The following ERBB4 variants were observed in gnomAD, a reference collection of about 807,000 sequenced individuals.
ERBB4 encodes the protein erb-b2 receptor tyrosine kinase 4.
In ERBB4, 42 loss-of-function variants were observed where a neutral mutation model predicts 158.0. The observed-to-expected ratio is 0.27, with a 90% confidence interval of 0.21 to 0.34. ERBB4 has a LOEUF of 0.34. Among genes scored for constraint, ERBB4 ranks in the 10% least tolerant of loss-of-function variants. ERBB4 has a pLI of 1.00. For missense variants in ERBB4, 1,333 were observed against 1,624.1 expected (o/e 0.82, Z 3.08); for synonymous variants, 583 against 558.7 (o/e 1.04, Z -0.61).
chr2:212,343,275 C>T (rs1032475471), intron 1 of ERBB4, among the ~76,000 whole-genome samples: 1 of 152,106 alleles, frequency 6.6e-6, no homozygotes, highest in Non-Finnish European at 1.5e-5. Flanking sequence ...CCACACACAC[C>T]TCCATATCAT....
chr2:211,575,239 TAA>T (rs2067854986), intron 19 of ERBB4, among the ~76,000 whole-genome samples: 1 of 152,200 alleles, frequency 6.6e-6, no homozygotes, highest in South Asian at 2.1e-4. Context: ...ATGATCAATA[TAA>T]GATTAACTAG....
At chr2:212,003,380 C>T (rs977249799) in intron 2 of ERBB4, among the ~76,000 whole-genome samples, 7 of 147,260 alleles carry the variant, frequency 4.8e-5, no homozygotes, top group Non-Finnish European at 8.9e-5. Context: ...TGAGCTAAAG[C>T]GTTTTTTCGT....
At chr2:212,446,408 C>T (rs145517987) in intron 1 of ERBB4, among the ~76,000 whole-genome samples, 1,671 of 150,350 alleles carry the variant, frequency 0.011, 12 homozygotes, top group Middle Eastern at 0.027. Context: ...GAGAGACTGG[C>T]CTAGACTCTC....
intron 1 of ERBB4, among the ~76,000 whole-genome samples, chr2:212,362,628 T>C (rs1286818886): frequency 6.6e-6 from 1 of 151,052 alleles, no homozygotes; most frequent in Non-Finnish European, 1.5e-5. Context: ...AAATGGTTTA[T>C]AAATTGCCAT....
At chr2:211,861,796 ATG>A (rs2078062796) in intron 3 of ERBB4, among the ~76,000 whole-genome samples, 1 of 152,190 alleles carries the variant, frequency 6.6e-6, no homozygotes, top group Admixed American at 6.5e-5. Context: ...GATGAAATGA[ATG>A]TGTGTGATCA....
intron 2 of ERBB4, among the ~76,000 whole-genome samples, chr2:211,953,066 A>T: frequency 6.6e-6 from 1 of 152,100 alleles, no homozygotes; most frequent in African/African-American, 2.4e-5. Flanking sequence ...AACATTTAAT[A>T]ATGGCTGTGG....
chr2:211,780,687 C>T (rs867636131), intron 4 of ERBB4, among the ~76,000 whole-genome samples: 1 of 152,190 alleles, frequency 6.6e-6, no homozygotes, highest in Non-Finnish European at 1.5e-5. Context: ...TTTTTAAACA[C>T]ATTTTAGATT....
At chr2:212,035,159 T>A (rs2076985266) in intron 2 of ERBB4, among the ~76,000 whole-genome samples, 1 of 152,176 alleles carries the variant, frequency 6.6e-6, no homozygotes, top group Admixed American at 6.5e-5. Flanking sequence ...TTCAAGCCTG[T>A]GTTAATCTTT....
chr2:211,662,328 C>T (rs2071461022), intron 15 of ERBB4, among the ~76,000 whole-genome samples: 1 of 151,956 alleles, frequency 6.6e-6, no homozygotes, highest in African/African-American at 2.4e-5. Flanking sequence ...GTTAAGTTTA[C>T]AAATCTTTAA....
chr2:211,612,561 C>T (rs2069239373), intron 19 of ERBB4, among the ~76,000 whole-genome samples: 1 of 151,888 alleles, frequency 6.6e-6, no homozygotes, highest in African/African-American at 2.4e-5. Flanking sequence ...AAGATGAAAA[C>T]TCCAGGTGAA....
intron 1 of ERBB4, among the ~76,000 whole-genome samples, chr2:212,370,954 C>T (rs911392831): frequency 6.6e-6 from 1 of 152,068 alleles, no homozygotes; most frequent in African/African-American, 2.4e-5. Context: ...TCCCACATAA[C>T]CATTATTTTC....
intron 2 of ERBB4, among the ~76,000 whole-genome samples, chr2:212,052,780 G>T (rs79837222): frequency 0.056 from 8,512 of 152,016 alleles, 268 homozygotes; most frequent in South Asian, 0.1. Context: ...TACTACTCCC[G>T]TACCCCTCCC....
intron 4 of ERBB4, among the ~76,000 whole-genome samples, chr2:211,776,860 C>T (rs189691634): frequency 3.4e-4 from 52 of 152,212 alleles, no homozygotes; most frequent in Admixed American, 3.0e-3. Flanking sequence ...GGTTTAGTTA[C>T]TCTATTTATT....
In ERBB4 at chr2:212,192,822, C is replaced by T. The variant is rs548265004; in HGVS notation, c.83-67919G>A. ...AATAGTGTGATATCTGAAAAGTTTG[C>T]CCAGTTACACTGAGGACCGATCAAT... is the stretch of plus-strand genomic sequence containing the variant. On this transcript the variant is annotated intron_variant, in intron 1 of 27. Transcript: ENST00000342788. Among the ~76,000 whole-genome samples, 13 of 128,936 alleles carry T rather than the reference C, an allele frequency of 1.0e-4. No individual in the cohort carries two copies. In the East Asian group the frequency reaches 2.5e-3, roughly 25 times the overall value. The allele number at this position is 128,936 out of a possible 152,430, so 84.6% of individuals were successfully genotyped here. A position where few individuals can be genotyped will look rare whatever the true frequency, so the allele number is the denominator to read the frequency against.
intron 20 of ERBB4, among the ~76,000 whole-genome samples, chr2:211,545,310 CA>C (rs1480910204): frequency 6.6e-6 from 1 of 151,886 alleles, no homozygotes; most frequent in Non-Finnish European, 1.5e-5. Flanking sequence ...AAGTGTCACC[CA>C]GATTATGAAT....
intron 1 of ERBB4, among the ~76,000 whole-genome samples, chr2:212,334,674 G>A (rs1332412726): frequency 6.6e-6 from 1 of 151,874 alleles, no homozygotes; most frequent in Non-Finnish European, 1.5e-5. Flanking sequence ...TCAGTGTACT[G>A]CATATGGCAG....
intron 2 of ERBB4, among the ~76,000 whole-genome samples, chr2:211,964,500 G>A (rs1334712735): frequency 6.6e-6 from 1 of 152,082 alleles, no homozygotes; most frequent in Non-Finnish European, 1.5e-5. Context: ...TAAAAATAAT[G>A]ACATAGGTGA....
intron 18 of ERBB4, among the ~76,000 whole-genome samples, chr2:211,621,073 C>A (rs1050162140): frequency 6.6e-6 from 1 of 152,110 alleles, no homozygotes; most frequent in Non-Finnish European, 1.5e-5. Flanking sequence ...TGTGATTAAA[C>A]CACTGCCCTC....
intron 2 of ERBB4, among the ~76,000 whole-genome samples, chr2:212,099,350 A>T (rs1390276070): frequency 1.3e-5 from 2 of 152,110 alleles, no homozygotes; most frequent in Admixed American, 6.6e-5. Flanking sequence ...CTAAATAGTA[A>T]GTCACATGCT....
Sources: allele counts gnomAD v4.1 joint callset (sites outside exome capture counted in the v4.1 genomes callset), GRCh38; gene constraint gnomAD v4.1.1; transcripts MANE v1.5; gene names NCBI Gene and HGNC (gene_info 2026-07-23, HGNC 2026-07-21).